Variants in PTPDC1 observed in about 807,000 individuals in gnomAD.
The protein encoded by PTPDC1 is protein tyrosine phosphatase domain containing 1.
PTPDC1 carries 53 observed loss-of-function variants against 75.3 expected under a neutral mutation model. That is an observed-to-expected ratio of 0.70 (90% CI 0.56 to 0.88). The LOEUF (loss-of-function observed/expected upper bound fraction) is 0.88, where lower values mean the gene tolerates loss of function less well. Among genes scored for constraint, PTPDC1 ranks in the 40% least tolerant of loss-of-function variants. The probability of loss-of-function intolerance (pLI) is 0.00; values close to 1 mark genes in which losing one functional copy is unlikely to be tolerated. For missense variants in PTPDC1, 925 were observed against 998.6 expected (o/e 0.93, Z 0.99); for synonymous variants, 349 against 366.2 (o/e 0.95, Z 0.54).
chr9:94,094,646 C>G (rs1827473750), intron 4 of PTPDC1, among the ~76,000 whole-genome samples: 1 of 152,236 alleles, frequency 6.6e-6, no homozygotes. Context: ...CTAAGCAAGC[C>G]TGGGCAATGG....
At chr9:94,034,042 G>GA (rs1829777674) in intron 1 of PTPDC1, among the ~76,000 whole-genome samples, 2 of 152,046 alleles carry the variant, frequency 1.3e-5, no homozygotes, top group South Asian at 4.2e-4. Context: ...AATTATATAA[G>GA]AAAAAGATAG....
At chr9:94,088,745 C>T (rs957459015) in intron 4 of PTPDC1, among the ~76,000 whole-genome samples, 4 of 152,100 alleles carry the variant, frequency 2.6e-5, no homozygotes, top group Non-Finnish European at 5.9e-5. Flanking sequence ...ATTTCAAAGC[C>T]GCCTCAATCA....
rs1272105968 is a variant in PTPDC1, at chr9:94,097,807, G to A, written c.1241G>A (p.Gly414Asp). 8 of 1,614,186 alleles carry A rather than the reference G, an allele frequency of 5.0e-6. No homozygotes were observed. Among genetic ancestry groups the A allele is most frequent in the Non-Finnish European group, 6.8e-6 (8 of 1,180,024 alleles). Residue 414 changes from glycine (G) to aspartate (D), a missense_variant, in exon 6 of 9, where the codon GGC becomes GAC. Gly to Asp is a moderately conservative substitution (Grantham distance 94). Transcript: ENST00000620992. ...TAVAADFDNR[G>D]MIFSNEQQFD... is the part of the protein sequence containing the mutation. Reference sequence around the variant, plus strand: ...GTGGCAGCAGATTTTGACAATCGAGGCATGATTTTCTCCAATGAGCAACAG... The same window carrying A: ...GTGGCAGCAGATTTTGACAATCGAGACATGATTTTCTCCAATGAGCAACAG...
Position 94,097,808 on chromosome 9 carries a change from C to T in PTPDC1, c.1242C>T (p.Gly414=). The T allele has an allele frequency of 6.2e-7, 1 of 1,614,178 alleles. No homozygotes were observed. Among genetic ancestry groups the T allele is most frequent in the South Asian group, 1.1e-5 (1 of 91,082 alleles). ...TAVAADFDNR[G]MIFSNEQQFD... is the part of the protein sequence containing the mutation. The stretch of plus-strand genomic sequence containing the variant: ...TGGCAGCAGATTTTGACAATCGAGG[C>T]ATGATTTTCTCCAATGAGCAACAGT... Residue 414 remains glycine (G), a synonymous_variant, in exon 6 of 9, where the codon GGC becomes GGT. Transcript: ENST00000620992.
In PTPDC1 at chr9:94,098,158, G is replaced by A. The variant is rs200609981; in HGVS notation, c.1592G>A (p.Gly531Glu). The A allele has an allele frequency of 3.3e-5, 54 of 1,614,212 alleles. No individual in the cohort carries two copies. In the East Asian group the frequency reaches 6.9e-4, roughly 21 times the overall value. Residue 531 changes from glycine (G) to glutamate (E), a missense_variant, in exon 6 of 9, where the codon GGA becomes GAA. Gly to Glu is a moderately conservative substitution (Grantham distance 98). Transcript: ENST00000620992. ...LKDNGSPIFH[G>E]RIIPKEAQQS... ...GATAATGGGTCACCAATTTTCCATG[G>A]AAGGATCATTCCAAAGGAAGCACAG...
intron 4 of PTPDC1, among the ~76,000 whole-genome samples, chr9:94,091,081 C>T (rs1442078910): frequency 2.0e-5 from 3 of 149,998 alleles, no homozygotes; most frequent in African/African-American, 4.9e-5. Flanking sequence ...ATTTCCTTCT[C>T]CTGCCTAATT....
chr9:94,089,557 A>G (rs1453596376), intron 4 of PTPDC1, among the ~76,000 whole-genome samples: 1 of 138,052 alleles, frequency 7.2e-6, no homozygotes, highest in African/African-American at 2.8e-5. Flanking sequence ...ATGTGTCTTT[A>G]TAGCAGCATG....
upstream of PTPDC1, chr9:94,084,388 T>C: frequency 7.4e-7 from 1 of 1,356,658 alleles, no homozygotes; most frequent in Non-Finnish European, 9.7e-7. Flanking sequence ...GTTTCTTTGT[T>C]TGTCGCCATG....
intron 1 of PTPDC1, among the ~76,000 whole-genome samples, chr9:94,052,828 G>A (rs972979982): frequency 1.3e-5 from 2 of 152,002 alleles, no homozygotes; most frequent in South Asian, 4.1e-4. Flanking sequence ...TGATCTGATG[G>A]GTATCAATTA....
exon 2 of PTPDC1, chr9:94,064,765 A>G: frequency 6.2e-7 from 1 of 1,613,882 alleles, no homozygotes; most frequent in Non-Finnish European, 8.5e-7. Context: ...TTGCCTCAGA[A>G]TGAACAACCA....
chr9:94,095,256 GTGTTTGTAC>G, intron 4 of PTPDC1, 52 bp from the exon 5 acceptor site: 1 of 1,087,866 alleles, frequency 9.2e-7, no homozygotes, highest in Non-Finnish European at 1.2e-6. Flanking sequence ...CTTTTCATTA[GTGTTTGTAC>G]TTTCATTAAT....
chr9:94,080,493 C>T (rs1407350318), upstream of PTPDC1, among the ~76,000 whole-genome samples: 1 of 152,120 alleles, frequency 6.6e-6, no homozygotes, highest in African/African-American at 2.4e-5. Flanking sequence ...TTAGCACTGT[C>T]CACTGAGAGG....
At chr9:94,092,289 G>T (rs2118020978) in intron 4 of PTPDC1, among the ~76,000 whole-genome samples, 22 of 137,024 alleles carry the variant, frequency 1.6e-4, no homozygotes, top group African/African-American at 2.5e-4. Flanking sequence ...TTGTGTCTTT[G>T]TTCTCGTTGG....
chr9:94,105,616 C>T (rs943543274), intron 8 of PTPDC1, among the ~76,000 whole-genome samples: 12 of 148,558 alleles, frequency 8.1e-5, no homozygotes, highest in East Asian at 3.9e-4. Flanking sequence ...TGCAGTGAGC[C>T]GAAATCGCGC....
chr9:94,087,943 C>G (rs1827136521), intron 3 of PTPDC1, 32 bp downstream of exon 3: 1 of 1,573,648 alleles, frequency 6.4e-7, no homozygotes, highest in Middle Eastern at 1.7e-4. Context: ...CACGAGTGAG[C>G]AAACTCATGT....
rs780616749 is a variant in PTPDC1 at position 94,095,376 on chromosome 9, G to C, written c.676G>C (p.Asp226His). 7.4e-6 allele frequency: 12 copies of C among 1,612,874 alleles called. No individual in the cohort carries two copies. Among genetic ancestry groups the C allele is most frequent in the Admixed American group, 1.7e-5 (1 of 60,014 alleles). Residue 226 changes from aspartate (D) to histidine (H), a missense_variant, in exon 5 of 9, where the codon GAT (aspartate) becomes CAT (histidine). Coordinates refer to ENST00000620992, the MANE Select transcript of PTPDC1 (RefSeq NM_001253829.2). ...YGVASLTTIL[D>H]MVKVMTFALQ... ...TGTAGCGTCTCTTACTACTATCCTAGATATGGTGAAGGTGATGACATTTGC... is the reference window on the plus strand; with the variant it reads ...TGTAGCGTCTCTTACTACTATCCTACATATGGTGAAGGTGATGACATTTGC...
At chr9:94,100,212 T>C (rs1827787901) in intron 6 of PTPDC1, 1 of 152,370 alleles carries the variant, frequency 6.6e-6, no homozygotes, top group African/African-American at 2.4e-5. Context: ...CAGGGTCACG[T>C]GGCATGCGTG....
intron 1 of PTPDC1, chr9:94,037,895 T>C (rs1825319429): frequency 1.0e-5 from 2 of 200,774 alleles, no homozygotes; most frequent in South Asian, 1.8e-4. Flanking sequence ...GTTCTACGGC[T>C]AATCATTCTT....
intron 4 of PTPDC1, among the ~76,000 whole-genome samples, chr9:94,093,162 G>A (rs1827393969): frequency 6.6e-6 from 1 of 152,106 alleles, no homozygotes. Flanking sequence ...GTTAGTTGAT[G>A]CAGTTTCTTC....
Sources: allele counts gnomAD v4.1 joint callset (sites outside exome capture counted in the v4.1 genomes callset), GRCh38; gene constraint gnomAD v4.1.1; transcripts MANE v1.5; gene names NCBI Gene and HGNC (gene_info 2026-07-23, HGNC 2026-07-21).